Variants in PRKAR2A observed in about 807,000 individuals in gnomAD.
PRKAR2A encodes the protein protein kinase cAMP-dependent type II regulatory subunit alpha.
PRKAR2A carries 29 observed loss-of-function variants against 51.9 expected under a neutral mutation model. The observed-to-expected ratio is 0.56, with a 90% CI of 0.42 to 0.76. PRKAR2A has a LOEUF of 0.76. PRKAR2A is among the 30% of genes least tolerant of loss of function. PRKAR2A has a pLI of 0.00. For missense variants in PRKAR2A, 445 were observed against 512.1 expected (o/e 0.87, Z 1.26); for synonymous variants, 178 against 186.2 (o/e 0.96, Z 0.36).
chr3:48,826,772 T>C (rs1308163383), intron 1 of PRKAR2A, among the ~76,000 whole-genome samples: 2 of 152,074 alleles, frequency 1.3e-5, no homozygotes, highest in Non-Finnish European at 2.9e-5. Context: ...CCAAAGGTTT[T>C]AGACACATTA....
At chr3:48,745,250 C>T (rs1267326273), downstream of PRKAR2A, among the ~76,000 whole-genome samples, 1 of 151,522 alleles carries the variant, frequency 6.6e-6, no homozygotes, top group Non-Finnish European at 1.5e-5. Flanking sequence ...ACTATGTTGC[C>T]CAGGCTGGTT....
At chr3:48,811,649 G>A (rs1482585457) in intron 1 of PRKAR2A, among the ~76,000 whole-genome samples, 1 of 152,146 alleles carries the variant, frequency 6.6e-6, no homozygotes, top group East Asian at 1.9e-4. Context: ...GATGAAAGGA[G>A]GGGAGAATGA....
At chr3:48,776,216 C>T (rs1202710984) in intron 5 of PRKAR2A, among the ~76,000 whole-genome samples, 1 of 152,136 alleles carries the variant, frequency 6.6e-6, no homozygotes, top group Non-Finnish European at 1.5e-5. Flanking sequence ...GAAATAGGCA[C>T]TCTCAACATA....
At chr3:48,817,055 G>A (rs894106873) in intron 1 of PRKAR2A, among the ~76,000 whole-genome samples, 1 of 151,970 alleles carries the variant, frequency 6.6e-6, no homozygotes, top group East Asian at 1.9e-4. Context: ...TAGGCTGGGC[G>A]CAGTGGCTCA....
At chr3:48,806,666 C>T (rs2082679446) in intron 2 of PRKAR2A, among the ~76,000 whole-genome samples, 1 of 151,614 alleles carries the variant, frequency 6.6e-6, no homozygotes, top group Non-Finnish European at 1.5e-5. Context: ...GAAAGTTTAC[C>T]CAAACTTATT....
intron 4 of PRKAR2A, among the ~76,000 whole-genome samples, chr3:48,789,553 C>T (rs1320259662): frequency 1.3e-5 from 2 of 148,456 alleles, no homozygotes; most frequent in Admixed American, 6.8e-5. Flanking sequence ...TGCAATGGTG[C>T]GATCTCAGCT....
Position 48,748,167 on chromosome 3 carries a change from C to G in PRKAR2A, c.*3418G>C, listed in dbSNP as rs1018846221. 1.3e-5 allele frequency: 2 copies of G among 151,380 alleles called. No homozygotes were observed. The highest frequency in any genetic ancestry group is 2.4e-5 in the African/African-American group (1 of 41,140). The allele number at this position is 151,380 out of a possible 1,614,324, so 9.4% of individuals were successfully genotyped here. A position where few individuals can be genotyped will look rare whatever the true frequency, so the allele number is the denominator to read the frequency against. Reference sequence around the variant, plus strand: ...TTTTGAGATAGGGTCCCACTTTGTCCCCCAGACTGGAGTGCAGTGGCACGA... The same window carrying G: ...TTTTGAGATAGGGTCCCACTTTGTCGCCCAGACTGGAGTGCAGTGGCACGA... On this transcript the variant is annotated 3_prime_UTR_variant, in exon 11 of 11. Transcript: ENST00000265563.
At chr3:48,787,186 T>TTATG (rs1259699409) in intron 4 of PRKAR2A, among the ~76,000 whole-genome samples, 3 of 150,456 alleles carry the variant, frequency 2.0e-5, no homozygotes, top group Non-Finnish European at 4.4e-5. Flanking sequence ...ATTTATTTAT[T>TTATG]TATGTATTTA....
intron 8 of PRKAR2A, among the ~76,000 whole-genome samples, chr3:48,758,574 CTG>C (rs1170944059): frequency 7.4e-6 from 1 of 134,372 alleles, no homozygotes; most frequent in Non-Finnish European, 1.5e-5. Flanking sequence ...CAGAGCAAGA[CTG>C]TCTCAAAAAA....
intron 3 of PRKAR2A, 146 bp from the exon 4 acceptor site, chr3:48,790,773 A>T: frequency 1.9e-6 from 1 of 519,370 alleles, no homozygotes; most frequent in East Asian, 3.5e-5. Context: ...ATCAAGCTGC[A>T]TGCTAAAGGT....
chr3:48,836,419 TAAAAAAAA>T (rs548970318), intron 1 of PRKAR2A, among the ~76,000 whole-genome samples: 69 of 56,098 alleles, frequency 1.2e-3, no homozygotes, highest in Admixed American at 3.1e-3. Context: ...AGACTCCGTC[TAAAAAAAA>T]AAAAAAAAAA....
At chr3:48,816,018 CAAA>C (rs748275352) in intron 1 of PRKAR2A, among the ~76,000 whole-genome samples, 1 of 51,674 alleles carries the variant, frequency 1.9e-5, no homozygotes. Context: ...GACTCCATCT[CAAA>C]AAAAAAAAAA....
chr3:48,817,835 G>A (rs1400322963), intron 1 of PRKAR2A, among the ~76,000 whole-genome samples: 3 of 151,914 alleles, frequency 2.0e-5, no homozygotes, highest in East Asian at 3.9e-4. Context: ...CACAAGAGCT[G>A]TGAGCCCCAA....
chr3:48,842,137 T>C (rs1169117128), intron 1 of PRKAR2A, among the ~76,000 whole-genome samples: 2 of 152,206 alleles, frequency 1.3e-5, no homozygotes, highest in East Asian at 3.8e-4. Context: ...ACGTCCCTTG[T>C]AAGTTGGATT....
rs2081601979 is a variant in PRKAR2A at position 48,748,794 on chromosome 3, T to C, written c.*2791A>G. On this transcript the variant is annotated 3_prime_UTR_variant, in exon 11 of 11. Coordinates refer to ENST00000265563, the MANE Select transcript of PRKAR2A (RefSeq NM_004157.4). ...CAAGACCTGTTTTCTGAATTTACTT[T>C]CTGATAATAAAGTAACACCATGGAA... 1 of 152,230 alleles carries C rather than the reference T, an allele frequency of 6.6e-6. No individual in the cohort carries two copies. Among genetic ancestry groups the C allele is most frequent in the African/African-American group, 2.4e-5 (1 of 41,456 alleles). The allele number at this position is 152,230 out of a possible 1,614,324, so 9.4% of individuals were successfully genotyped here.
At chr3:48,755,410 C>T (rs1456067313) in intron 9 of PRKAR2A, among the ~76,000 whole-genome samples, 1 of 151,898 alleles carries the variant, frequency 6.6e-6, no homozygotes, top group African/African-American at 2.4e-5. Context: ...AAAAAGAAAC[C>T]GAAAAATCTG....
rs547132768 is a variant in PRKAR2A, at chr3:48,828,708, C to CAAA, written c.262+18624_262+18626dup. Among the ~76,000 whole-genome samples the CAAA allele has an allele frequency of 6.8e-4, 57 of 83,372 alleles. 2 individuals are homozygous for CAAA. The highest frequency in any genetic ancestry group is 6.0e-3 in the East Asian group (17 of 2,856). The allele number at this position is 83,372 out of a possible 152,430, so 54.7% of individuals were successfully genotyped here. On this transcript the variant is annotated intron_variant, in intron 1 of 10. Transcript: ENST00000265563. ...GGGCAACAGAGCGAGCCCCTGTCTC[C>CAAA]AAAAAAAAAAAAAAAAAAAAAGAAA...
intron 5 of PRKAR2A, among the ~76,000 whole-genome samples, chr3:48,779,085 C>A (rs2082150774): frequency 1.3e-5 from 2 of 152,066 alleles, no homozygotes. Context: ...CCTGGGCCTT[C>A]TAAAGTGCTG....
At chr3:48,830,252 A>G (rs947522972) in intron 1 of PRKAR2A, among the ~76,000 whole-genome samples, 3 of 152,012 alleles carry the variant, frequency 2.0e-5, no homozygotes, top group Non-Finnish European at 4.4e-5. Context: ...GACTAGTCCT[A>G]TACAGGGTCA....
Sources: allele counts gnomAD v4.1 joint callset (sites outside exome capture counted in the v4.1 genomes callset), GRCh38; gene constraint gnomAD v4.1.1; transcripts MANE v1.5; gene names NCBI Gene and HGNC (gene_info 2026-07-23, HGNC 2026-07-21).